The following ITSN1 variants were observed in gnomAD, a reference collection of about 807,000 sequenced individuals.
The protein encoded by ITSN1 is intersectin 1, also known as intersectin-1.
Under a neutral mutation model 239.8 loss-of-function variants are expected in ITSN1, and 58 were observed. The ratio of observed to expected loss-of-function variants is 0.24; its 90% CI spans 0.20 to 0.30. The LOEUF (loss-of-function observed/expected upper bound fraction) is 0.30, where lower values mean the gene tolerates loss of function less well. Among genes scored for constraint, ITSN1 ranks in the 10% least tolerant of loss-of-function variants. The pLI is 1.00. For missense variants in ITSN1, 1,558 were observed against 2,103.3 expected (o/e 0.74, Z 5.07); for synonymous variants, 780 against 770.8 (o/e 1.01, Z -0.20).
intron 11 of ITSN1, among the ~76,000 whole-genome samples, chr21:33,771,157 C>G (rs1353507325): frequency 6.6e-6 from 1 of 152,210 alleles, no homozygotes; most frequent in African/African-American, 2.4e-5. Flanking sequence ...TACTTGCCCG[C>G]TTTCATCTCT....
intron 27 of ITSN1, 147 bp from the exon 28 acceptor site, chr21:33,834,160 T>C: frequency 1.6e-6 from 1 of 611,714 alleles, no homozygotes; most frequent in Non-Finnish European, 2.9e-6. Flanking sequence ...GTTTTACTTT[T>C]GTGACATAGT....
intron 16 of ITSN1, among the ~76,000 whole-genome samples, chr21:33,784,196 G>A (rs1453876627): frequency 1.3e-5 from 2 of 151,190 alleles, no homozygotes; most frequent in East Asian, 3.9e-4. Context: ...AGGTCAGGTC[G>A]GGTGTGGTGG....
chr21:33,861,005 C>A (rs1980415840), intron 31 of ITSN1, among the ~76,000 whole-genome samples: 1 of 152,196 alleles, frequency 6.6e-6, no homozygotes, highest in South Asian at 2.1e-4. Flanking sequence ...TCCTCTGATT[C>A]CCGGATTAGC....
At chr21:33,886,484 T>C in intron 39 of ITSN1, 24 bp downstream of exon 39, 1 of 1,509,866 alleles carries the variant, frequency 6.6e-7, no homozygotes, top group Non-Finnish European at 8.9e-7. Flanking sequence ...GGCCCTGTGG[T>C]TATTCCTCCT....
At chr21:33,872,409 C>T (rs1982903823) in intron 33 of ITSN1, among the ~76,000 whole-genome samples, 1 of 152,114 alleles carries the variant, frequency 6.6e-6, no homozygotes, top group Admixed American at 6.5e-5. Flanking sequence ...TTATAAAACC[C>T]TCAAAATGAT....
At chr21:33,762,052 G>T in intron 9 of ITSN1, 66 bp downstream of exon 9, 2 of 1,181,702 alleles carry the variant, frequency 1.7e-6, no homozygotes, top group South Asian at 1.2e-5. Flanking sequence ...GTGGCCTCAT[G>T]GGTTTTAGAT....
At chr21:33,753,813 T>C (rs2067730089) in intron 7 of ITSN1, among the ~76,000 whole-genome samples, 1 of 150,344 alleles carries the variant, frequency 6.7e-6, no homozygotes, top group Admixed American at 6.6e-5. Flanking sequence ...TGCTGAAGTT[T>C]TGAGTTTATT....
chr21:33,777,111 G>A (rs942809286), intron 14 of ITSN1, among the ~76,000 whole-genome samples: 1 of 152,050 alleles, frequency 6.6e-6, no homozygotes, highest in Non-Finnish European at 1.5e-5. Context: ...TATCTTATAT[G>A]TTTAGGTCTA....
At chr21:33,657,715 G>A (rs537876784) in intron 1 of ITSN1, among the ~76,000 whole-genome samples, 8 of 152,200 alleles carry the variant, frequency 5.3e-5, no homozygotes, top group Non-Finnish European at 7.3e-5. Context: ...GCAGGGCTCC[G>A]TGGCCCTTGC....
At chr21:33,778,572 T>TTTA (rs2069846619) in intron 14 of ITSN1, among the ~76,000 whole-genome samples, 5 of 22,024 alleles carry the variant, frequency 2.3e-4, no homozygotes, top group African/African-American at 9.0e-4. Flanking sequence ...TAATATTCTC[T>TTTA]TTTTTTTTTT....
intron 19 of ITSN1, 81 bp from the exon 20 acceptor site, chr21:33,802,349 G>C: frequency 7.1e-7 from 1 of 1,399,576 alleles, no homozygotes; most frequent in Non-Finnish European, 1.0e-6. Context: ...GATGCGTAGA[G>C]TTTAGATATG....
intron 4 of ITSN1, among the ~76,000 whole-genome samples, chr21:33,732,189 C>G (rs576742652): frequency 6.6e-6 from 1 of 152,108 alleles, no homozygotes; most frequent in Admixed American, 6.5e-5. Flanking sequence ...TGAAGCCTCC[C>G]GGTAGTAGAC....
At position 33,774,972 on chromosome 21, in the gene ITSN1, A is replaced by T. The variant is rs2069482802; in HGVS notation, c.1460A>T (p.Asp487Val). The change falls in exon 14 of 40, where the codon GAT becomes GTT. Residue 487 changes from aspartate to valine, a missense_variant. Around this residue, in one of 2 missense-constraint regions of ITSN1, gnomAD observed 982 missense variants for 1,209.9 expected, o/e 0.81. Transcript: ENST00000381318. ...ATTATCTTTCATTTGTTCAAGAATG[A>T]TAAAAAGCATCAACTAGAAGGGAAA... Reference protein sequence around the residue: ...TLEFELEALNDKKHQLEGKLQ... With the variant: ...TLEFELEALNVKKHQLEGKLQ... 1 of 1,611,276 alleles carries T rather than the reference A, an allele frequency of 6.2e-7. No homozygotes were observed. Among genetic ancestry groups the T allele is most frequent in the Non-Finnish European group, 8.5e-7 (1 of 1,178,890 alleles).
intron 5 of ITSN1, among the ~76,000 whole-genome samples, chr21:33,740,195 G>C (rs1425700733): frequency 2.0e-5 from 3 of 152,188 alleles, no homozygotes. Context: ...AGTCCTAGTA[G>C]ATTTCCGAGT....
intron 9 of ITSN1, among the ~76,000 whole-genome samples, chr21:33,763,716 A>C (rs1569127263): frequency 6.6e-6 from 1 of 152,046 alleles, no homozygotes; most frequent in South Asian, 2.1e-4. Context: ...TCTATTGTGT[A>C]ATGATTTTGA....
At position 33,882,157 on chromosome 21, in the gene ITSN1, C is replaced by T; in HGVS notation, c.4342-86C>T. 1.7e-6 allele frequency: 2 copies of T among 1,159,990 alleles called. No homozygotes were observed. Among genetic ancestry groups the T allele is most frequent in the Non-Finnish European group, 2.5e-6 (2 of 807,896 alleles). The allele number at this position is 1,159,990 out of a possible 1,614,324, so 71.9% of individuals were successfully genotyped here. Reference sequence around the variant, plus strand: ...TGCCTGAGATCCGAGTCTGCTGGGGCCTGGCCTCTGATTCTGATGGAGCCC... The same window carrying T: ...TGCCTGAGATCCGAGTCTGCTGGGGTCTGGCCTCTGATTCTGATGGAGCCC... On this transcript the variant is annotated intron_variant, in intron 34 of 39. Transcript: ENST00000381318. The surrounding 1 kb of genome is among the most constrained non-coding windows in gnomAD (Gnocchi z 4.5).
chr21:33,885,486 G>A lies in ITSN1; in HGVS notation c.4807G>A (p.Val1603Ile). The change falls in exon 38 of 40, where the codon GTT becomes ATT. Residue 1603 changes from valine (V) to isoleucine (I), a missense_variant. By Grantham distance (29) the Val-to-Ile change is conservative (BLOSUM62 3). Around this residue, in one of 2 missense-constraint regions of ITSN1, gnomAD observed 576 missense variants for 893.3 expected, o/e 0.64. Coordinates refer to ENST00000381318, the MANE Select transcript of ITSN1 (RefSeq NM_003024.3). ...TGIGRLMVNV[V>I]EGIELKPCRS... ...CATTGGAAGGTTGATGGTGAACGTG[G>A]TTGAAGGCATCGAGTTGAAACCCTG... 2 of 1,614,160 alleles carry A rather than the reference G, an allele frequency of 1.2e-6. No homozygotes were observed. The highest frequency in any genetic ancestry group is 1.7e-6 in the Non-Finnish European group (2 of 1,180,032).
At chr21:33,773,805 G>A (rs1390381130) in intron 12 of ITSN1, among the ~76,000 whole-genome samples, 1 of 152,014 alleles carries the variant, frequency 6.6e-6, no homozygotes, top group South Asian at 2.1e-4. Context: ...TCAGCCTCCG[G>A]AGTAGCTGGG....
chr21:33,764,996 C>CA (rs1373800198), intron 9 of ITSN1, among the ~76,000 whole-genome samples: 5 of 152,220 alleles, frequency 3.3e-5, no homozygotes, highest in Non-Finnish European at 7.3e-5. Context: ...AAGGGGTGGC[C>CA]AGCTCTGCCC....
Sources: allele counts gnomAD v4.1 joint callset (sites outside exome capture counted in the v4.1 genomes callset), GRCh38; gene constraint gnomAD v4.1.1; regional missense constraint gnomAD v4.1.1; non-coding constraint Gnocchi (gnomAD v3.1); transcripts MANE v1.5; gene names NCBI Gene and HGNC (gene_info 2026-07-23, HGNC 2026-07-21).